CLSTN2: variants seen among roughly 807,000 people sequenced by gnomAD.
The protein encoded by CLSTN2 is calsyntenin-2.
A neutral mutation model predicts 101.2 loss-of-function variants in CLSTN2; 48 were observed. The ratio of observed to expected loss-of-function variants is 0.47; its 90% CI spans 0.38 to 0.60. CLSTN2 has a LOEUF of 0.60. Among genes scored for constraint, CLSTN2 ranks in the 20% least tolerant of loss-of-function variants. The pLI is 0.00. For synonymous variants in CLSTN2, 481 were observed against 463.6 expected (o/e 1.04, Z -0.48); for missense variants, 1,160 against 1,238.2 (o/e 0.94, Z 0.95).
chr3:140,254,029 G>A (rs2086585005), intron 2 of CLSTN2, among the ~76,000 whole-genome samples: 1 of 152,036 alleles, frequency 6.6e-6, no homozygotes, highest in Non-Finnish European at 1.5e-5. Flanking sequence ...AAAATTGTGG[G>A]TCCCTTACCT....
chr3:140,309,694 A>G (rs192290177), intron 2 of CLSTN2, among the ~76,000 whole-genome samples: 20 of 152,204 alleles, frequency 1.3e-4, no homozygotes, highest in African/African-American at 4.3e-4. Context: ...GACAGCCACA[A>G]GAGTCACCCC....
intron 2 of CLSTN2, among the ~76,000 whole-genome samples, chr3:140,285,101 T>A (rs1057206062): frequency 7.2e-5 from 11 of 152,142 alleles, no homozygotes; most frequent in African/African-American, 2.7e-4. Flanking sequence ...TTCCCTGGGC[T>A]TTTTGGAGGA....
At chr3:140,348,670 T>G (rs1397850791) in intron 2 of CLSTN2, among the ~76,000 whole-genome samples, 2 of 152,212 alleles carry the variant, frequency 1.3e-5, no homozygotes, top group African/African-American at 4.8e-5. Context: ...GAGGATAAAA[T>G]TTCATACAAG....
intron 1 of CLSTN2, among the ~76,000 whole-genome samples, chr3:139,998,162 G>A (rs916564506): frequency 2.0e-5 from 3 of 151,988 alleles, no homozygotes; most frequent in African/African-American, 7.3e-5. Flanking sequence ...AGGACAATGG[G>A]TCAATAATCA....
chr3:140,219,364 G>C (rs140688636), intron 2 of CLSTN2, among the ~76,000 whole-genome samples: 3 of 152,046 alleles, frequency 2.0e-5, no homozygotes, highest in African/African-American at 7.2e-5. Flanking sequence ...TTAGTTGCGC[G>C]TGAGTGAGTT....
chr3:140,459,648 C>T lies in CLSTN2; in HGVS notation c.1101C>T (p.Pro367=), dbSNP rs138409415. ...ACGGCAGGCAGGGTGCCAAAGTCCC[C>T]GATGGGATTGTGCCCAAGAACCTGA... The part of the protein sequence containing the change: ...KFDGRQGAKV[P]DGIVPKNLTD... The change falls in exon 7 of 17, where the codon CCC becomes CCT. Residue 367 remains proline, a synonymous_variant. Transcript: ENST00000458420. The T allele has an allele frequency of 9.4e-5, 152 of 1,614,018 alleles. No individual in the cohort carries two copies. The highest frequency in any genetic ancestry group is 1.1e-4 in the Non-Finnish European group (135 of 1,180,010).
chr3:140,322,796 T>C (rs1239375885), intron 2 of CLSTN2, among the ~76,000 whole-genome samples: 1 of 152,124 alleles, frequency 6.6e-6, no homozygotes. Context: ...AGATAATCAG[T>C]GAATCAAAAA....
At chr3:140,154,737 C>T (rs980580327) in intron 1 of CLSTN2, among the ~76,000 whole-genome samples, 16 of 150,838 alleles carry the variant, frequency 1.1e-4, no homozygotes, top group Admixed American at 5.9e-4. Context: ...CTCTGCCTCC[C>T]GGGTTCACGC....
chr3:140,194,964 A>G (rs565886419), intron 2 of CLSTN2, among the ~76,000 whole-genome samples: 12 of 152,198 alleles, frequency 7.9e-5, no homozygotes, highest in Non-Finnish European at 1.6e-4. Context: ...CATGTAGTCT[A>G]TAGGAGGTTC....
intron 2 of CLSTN2, among the ~76,000 whole-genome samples, chr3:140,397,658 C>G (rs913330302): frequency 2.0e-5 from 3 of 152,118 alleles, no homozygotes; most frequent in African/African-American, 7.2e-5. Flanking sequence ...TCTCTGGAGG[C>G]TTTTATAAGA....
chr3:140,225,728 C>A (rs185626191), intron 2 of CLSTN2, among the ~76,000 whole-genome samples: 1 of 152,092 alleles, frequency 6.6e-6, no homozygotes, highest in Non-Finnish European at 1.5e-5. Flanking sequence ...AATCTCCTGA[C>A]CTCATCATCT....
intron 1 of CLSTN2, among the ~76,000 whole-genome samples, chr3:139,984,372 G>A (rs368412341): frequency 4.6e-5 from 7 of 152,302 alleles, no homozygotes; most frequent in Admixed American, 2.6e-4. Context: ...GGTACATCTA[G>A]TCACTCTCTC....
intron 1 of CLSTN2, among the ~76,000 whole-genome samples, chr3:140,019,166 C>T (rs111368581): frequency 5.9e-5 from 9 of 152,248 alleles, no homozygotes; most frequent in East Asian, 1.9e-4. Flanking sequence ...GATGGTGTGA[C>T]GGTTAATTTT....
At chr3:140,475,356 C>T (rs1484282868) in intron 8 of CLSTN2, among the ~76,000 whole-genome samples, 1 of 152,188 alleles carries the variant, frequency 6.6e-6, no homozygotes, top group African/African-American at 2.4e-5. Context: ...CATATGTGCC[C>T]TATTGTAGAC....
intron 1 of CLSTN2, among the ~76,000 whole-genome samples, chr3:140,064,547 T>C (rs1483096257): frequency 6.6e-6 from 1 of 152,218 alleles, no homozygotes; most frequent in Admixed American, 6.5e-5. Context: ...AATGACCACC[T>C]ATTACTAGAA....
chr3:140,225,745 T>A (rs1473761396), intron 2 of CLSTN2, among the ~76,000 whole-genome samples: 2 of 152,060 alleles, frequency 1.3e-5, no homozygotes, highest in Non-Finnish European at 2.9e-5. Flanking sequence ...ATCTACCACC[T>A]CGGCCTCCCA....
intron 8 of CLSTN2, among the ~76,000 whole-genome samples, chr3:140,519,205 G>T (rs1467780483): frequency 6.6e-6 from 1 of 152,216 alleles, no homozygotes; most frequent in Non-Finnish European, 1.5e-5. Context: ...CGTTTGCTAT[G>T]ATTTCAGTTC....
intron 1 of CLSTN2, among the ~76,000 whole-genome samples, chr3:140,012,814 A>G (rs2007115652): frequency 6.6e-6 from 1 of 152,226 alleles, no homozygotes; most frequent in Admixed American, 6.5e-5. Flanking sequence ...TAACACAGTG[A>G]GGAAGGTCAG....
intron 2 of CLSTN2, among the ~76,000 whole-genome samples, chr3:140,287,367 G>A (rs1051406676): frequency 6.6e-6 from 1 of 152,242 alleles, no homozygotes; most frequent in Non-Finnish European, 1.5e-5. Context: ...TCAGTGTTTG[G>A]GCATTGGAGT....
Sources: gnomAD v4.1 joint callset for allele counts (sites outside exome capture counted in the v4.1 genomes callset) on GRCh38, gnomAD v4.1.1 for gene constraint, MANE v1.5 for transcripts, NCBI Gene and HGNC (gene_info 2026-07-23, HGNC 2026-07-21) for gene names.